Variants in LRIG1 observed in about 807,000 individuals in gnomAD.
The protein encoded by LRIG1 is leucine-rich repeats and immunoglobulin-like domains protein 1.
A neutral mutation model predicts 99.2 loss-of-function variants in LRIG1; 48 were observed. That is an observed-to-expected ratio of 0.48 (90% confidence interval 0.38 to 0.62). The LOEUF (loss-of-function observed/expected upper bound fraction) is 0.62, where lower values mean the gene tolerates loss of function less well. Among genes scored for constraint, LRIG1 ranks in the 20% least tolerant of loss-of-function variants. LRIG1 has a pLI of 0.00. For synonymous variants in LRIG1, 772 were observed against 596.1 expected, an observed-to-expected ratio of 1.29 and a Z score of -4.30; for missense variants, 1,646 against 1,434.4, an observed-to-expected ratio of 1.15 and a Z score of -2.38.
chr3:66,463,185 C>T lies in LRIG1; in HGVS notation c.219-676G>A, dbSNP rs373365456. 8.5e-5 allele frequency among the ~76,000 whole-genome samples: 13 copies of T among 152,306 alleles called. No homozygotes were observed. The East Asian group carries it at 1.9e-3, about 23-fold the overall frequency. On this transcript the variant is annotated intron_variant, in intron 1 of 18. Coordinates refer to ENST00000273261, the MANE Select transcript of LRIG1 (RefSeq NM_015541.3). Reference sequence around the variant, plus strand: ...TCAGAGGTTGAAAAACCCTGGTCTACACAAGAGCTTAAGACTAAAAATTGC... The same window carrying T: ...TCAGAGGTTGAAAAACCCTGGTCTATACAAGAGCTTAAGACTAAAAATTGC...
Position 66,467,959 on chromosome 3 carries a change from T to C in LRIG1, c.219-5450A>G, listed in dbSNP as rs145927910. Among the ~76,000 whole-genome samples, 393 of 152,242 alleles carry C rather than the reference T, an allele frequency of 2.6e-3. 3 individuals are homozygous for C. The highest frequency in any genetic ancestry group is 0.021 in the East Asian group (111 of 5,170). ...GGACACTGATATTAACACAAGTCCTTTGAGCACACAAAAAGTTCTGAACCA... is the reference window on the plus strand; with the variant it reads ...GGACACTGATATTAACACAAGTCCTCTGAGCACACAAAAAGTTCTGAACCA... On this transcript the variant is annotated intron_variant, in intron 1 of 18. Transcript: ENST00000273261.
At chr3:66,410,394 AC>A in intron 6 of LRIG1, 122 bp from the exon 7 acceptor site, 1 of 930,560 alleles carries the variant, frequency 1.1e-6, no homozygotes, top group Non-Finnish European at 1.6e-6. Flanking sequence ...ACAGTGCACG[AC>A]AGAACTGTGG....
At chr3:66,481,367 G>A (rs1359752873) in intron 1 of LRIG1, among the ~76,000 whole-genome samples, 1 of 152,180 alleles carries the variant, frequency 6.6e-6, no homozygotes, top group African/African-American at 2.4e-5. Flanking sequence ...TGGCCTGGTT[G>A]TTCATTAATA....
chr3:66,431,454 G>C (rs946240258), intron 3 of LRIG1, among the ~76,000 whole-genome samples: 2 of 152,204 alleles, frequency 1.3e-5, no homozygotes, highest in Non-Finnish European at 2.9e-5. Context: ...GGTATCAGGA[G>C]GCTGCCATGC....
intron 1 of LRIG1, among the ~76,000 whole-genome samples, chr3:66,465,594 G>A (rs1700456254): frequency 1.3e-5 from 2 of 151,900 alleles, no homozygotes; most frequent in Non-Finnish European, 2.9e-5. Flanking sequence ...TCAAACTCCT[G>A]ACCTCAGGTG....
chr3:66,457,251 T>G (rs967099598), intron 2 of LRIG1, among the ~76,000 whole-genome samples: 7 of 152,192 alleles, frequency 4.6e-5, no homozygotes, highest in African/African-American at 1.7e-4. Flanking sequence ...AGCTACGATT[T>G]TTTTTCTTTT....
intron 8 of LRIG1, among the ~76,000 whole-genome samples, chr3:66,405,593 A>G (rs1702237578): frequency 6.6e-6 from 1 of 152,198 alleles, no homozygotes; most frequent in African/African-American, 2.4e-5. Context: ...GAGAGCGGAC[A>G]TCTGGCCCCA....
Position 66,429,934 on chromosome 3 carries a change from A to G in LRIG1, c.366-12668T>C, listed in dbSNP as rs180697323. Among the ~76,000 whole-genome samples, 15 of 151,462 alleles carry G rather than the reference A, an allele frequency of 9.9e-5. No individual in the cohort carries two copies. The East Asian group carries it at 2.7e-3, about 27-fold the overall frequency. ...AAAACAAAACAAAACAAAACCTCCT[A>G]AAGTATTAAGTAGTCCTGCAGTCTC... On this transcript the variant is annotated intron_variant, in intron 3 of 18. Coordinates refer to ENST00000273261, the MANE Select transcript of LRIG1 (RefSeq NM_015541.3).
intron 3 of LRIG1, among the ~76,000 whole-genome samples, chr3:66,431,352 G>A (rs1320538523): frequency 6.6e-6 from 1 of 152,198 alleles, no homozygotes; most frequent in African/African-American, 2.4e-5. Flanking sequence ...AGATGGCAAC[G>A]ATCAAGAATG....
At chr3:66,396,895 C>G (rs1277880164) in intron 11 of LRIG1, among the ~76,000 whole-genome samples, 1 of 152,206 alleles carries the variant, frequency 6.6e-6, no homozygotes, top group Non-Finnish European at 1.5e-5. Context: ...TGAGTCCAGC[C>G]TTCCCTTCCA....
At chr3:66,493,735 G>C (rs1365636007) in intron 1 of LRIG1, among the ~76,000 whole-genome samples, 1 of 152,034 alleles carries the variant, frequency 6.6e-6, no homozygotes, top group African/African-American at 2.4e-5. Flanking sequence ...GGCTGAGGCT[G>C]CAGTGAGTCT....
At chr3:66,436,321 G>A (rs1180551667) in intron 3 of LRIG1, among the ~76,000 whole-genome samples, 1 of 152,182 alleles carries the variant, frequency 6.6e-6, no homozygotes, top group Admixed American at 6.5e-5. Flanking sequence ...CATGGAAAGG[G>A]TGCTGGGTGC....
chr3:66,479,266 C>T (rs1559819974), intron 1 of LRIG1, among the ~76,000 whole-genome samples: 1 of 152,244 alleles, frequency 6.6e-6, no homozygotes, highest in African/African-American at 2.4e-5. Flanking sequence ...AATGCATATG[C>T]ACAGCCAATT....
At chr3:66,438,803 G>A (rs905141621) in intron 3 of LRIG1, among the ~76,000 whole-genome samples, 3 of 152,198 alleles carry the variant, frequency 2.0e-5, no homozygotes, top group African/African-American at 4.8e-5. Context: ...AAGGGATGGC[G>A]CTGTGAGAGG....
intron 3 of LRIG1, among the ~76,000 whole-genome samples, chr3:66,436,827 T>C (rs1575690309): frequency 6.6e-6 from 1 of 152,112 alleles, no homozygotes; most frequent in South Asian, 2.1e-4. Flanking sequence ...AAATCTCCCT[T>C]CCTACCTCTG....
intron 3 of LRIG1, among the ~76,000 whole-genome samples, chr3:66,451,309 T>TAAA (rs35826327): frequency 6.9e-6 from 1 of 145,066 alleles, no homozygotes; most frequent in African/African-American, 2.5e-5. Context: ...CTCTGCGCAT[T>TAAA]AAAAAAAAAA....
Position 66,396,335 on chromosome 3 carries a change from C to T in LRIG1, c.1304+1777G>A, listed in dbSNP as rs143125639. Among the ~76,000 whole-genome samples the T allele has an allele frequency of 1.4e-4, 22 of 152,362 alleles. 1 individual carries two copies. Among genetic ancestry groups the T allele is most frequent in the Admixed American group, 1.2e-3 (18 of 15,308 alleles). ...CCACCCGTGGAGAGCACAGCGCCAT[C>T]GGCTCTACTGCCTTCTGCTGCCATC... On this transcript the variant is annotated intron_variant, in intron 11 of 18. Coordinates refer to ENST00000273261, the MANE Select transcript of LRIG1 (RefSeq NM_015541.3).
At chr3:66,449,068 T>C (rs1035706683) in intron 3 of LRIG1, among the ~76,000 whole-genome samples, 2 of 152,232 alleles carry the variant, frequency 1.3e-5, no homozygotes, top group South Asian at 2.1e-4. Flanking sequence ...TCTGCCTTCA[T>C]TGATTAGGAT....
In LRIG1 at chr3:66,500,363, C is replaced by A; in HGVS notation, c.45G>T (p.Ser15=). 6.7e-7 allele frequency: 1 copy of A among 1,488,718 alleles called. No individual in the cohort carries two copies. Among genetic ancestry groups the A allele is most frequent in the East Asian group, 2.7e-5 (1 of 36,954 alleles). 92.2% of individuals were successfully genotyped at this position (1,488,718 alleles called of 1,614,324 possible). The part of the protein sequence containing the change: ...VRGGLGAPRR[S]PCLLLLWLLL... ...GCAGCCAGAGAAGGAGAAGGCAAGG[C>A]GAGCGGCGCGGGGCCCCGAGCCCTC... Residue 15 remains serine, a synonymous_variant, in exon 1 of 19, where the codon TCG becomes TCT. Coordinates refer to ENST00000273261, the MANE Select transcript of LRIG1 (RefSeq NM_015541.3).
Sources: allele counts gnomAD v4.1 joint callset (sites outside exome capture counted in the v4.1 genomes callset), GRCh38; gene constraint gnomAD v4.1.1; transcripts MANE v1.5; gene names NCBI Gene and HGNC (gene_info 2026-07-23, HGNC 2026-07-21).